Variants in ZEB2 observed in about 807,000 individuals in gnomAD.
ZEB2 encodes zinc finger E-box binding homeobox 2.
Under a neutral mutation model 99.9 loss-of-function variants are expected in ZEB2, and 6 were observed. The observed-to-expected ratio is 0.06, with a 90% CI of 0.03 to 0.12. The LOEUF (loss-of-function observed/expected upper bound fraction) is 0.12, where lower values mean the gene tolerates loss of function less well. Ranked by LOEUF, ZEB2 falls within the 10% of genes least tolerant of loss-of-function variation. The pLI, the probability that ZEB2 is intolerant of heterozygous loss-of-function variation, is 1.00. For synonymous variants in ZEB2, 517 were observed against 542.5 expected, an observed-to-expected ratio of 0.95 and a Z score of 0.65; for missense variants, 969 against 1,502.8, an observed-to-expected ratio of 0.64 and a Z score of 5.87.
intron 8 of ZEB2, among the ~76,000 whole-genome samples, chr2:144,396,988 G>A (rs568010224): frequency 2.4e-4 from 36 of 152,118 alleles, no homozygotes; most frequent in South Asian, 8.3e-4. Flanking sequence ...GTAGAAACCC[G>A]ATTTTAATTG....
At chr2:144,401,843 C>T (rs1213887176) in intron 6 of ZEB2, among the ~76,000 whole-genome samples, 1 of 152,064 alleles carries the variant, frequency 6.6e-6, no homozygotes, top group African/African-American at 2.4e-5. Context: ...CAAAAACACA[C>T]AAACAAAAAA....
At chr2:144,481,678 T>C (rs886895326) in intron 2 of ZEB2, among the ~76,000 whole-genome samples, 2 of 152,196 alleles carry the variant, frequency 1.3e-5, no homozygotes, top group Non-Finnish European at 2.9e-5. Flanking sequence ...ATCAAACTTT[T>C]TGAAAACTCA....
chr2:144,397,804 C>T (rs970120646), intron 8 of ZEB2: 1 of 262,718 alleles, frequency 3.8e-6, no homozygotes, highest in African/African-American at 2.3e-5. Flanking sequence ...CTACACCCAG[C>T]TAATTTTTGT....
At chr2:144,465,596 T>C (rs1157910528) in intron 2 of ZEB2, among the ~76,000 whole-genome samples, 1 of 152,130 alleles carries the variant, frequency 6.6e-6, no homozygotes, top group Non-Finnish European at 1.5e-5. Flanking sequence ...CACAGAGTTG[T>C]TGGATTTCAC....
intron 2 of ZEB2, among the ~76,000 whole-genome samples, chr2:144,469,989 T>C (rs778077913): frequency 5.3e-5 from 8 of 152,218 alleles, no homozygotes; most frequent in Non-Finnish European, 1.2e-4. Context: ...ACCCTCTGAG[T>C]TGCAAGCAAC....
intron 4 of ZEB2, among the ~76,000 whole-genome samples, chr2:144,418,619 C>T (rs1352359552): frequency 6.6e-6 from 1 of 151,738 alleles, no homozygotes; most frequent in African/African-American, 2.4e-5. Context: ...ACCCAGGAGG[C>T]GGAGGTTGCA....
At chr2:144,442,936 C>T (rs553907016) in intron 2 of ZEB2, among the ~76,000 whole-genome samples, 2 of 151,908 alleles carry the variant, frequency 1.3e-5, no homozygotes, top group Non-Finnish European at 2.9e-5. Context: ...ATGTGCTGTC[C>T]CATTTTTACT....
chr2:144,442,815 T>A (rs1029117957), intron 2 of ZEB2, among the ~76,000 whole-genome samples: 1 of 152,130 alleles, frequency 6.6e-6, no homozygotes, highest in African/African-American at 2.4e-5. Context: ...TCAGTTTAAG[T>A]TTTTTTAAAA....
At chr2:144,425,864 A>C (rs1055332996) in intron 3 of ZEB2, among the ~76,000 whole-genome samples, 2 of 152,186 alleles carry the variant, frequency 1.3e-5, no homozygotes, top group Non-Finnish European at 2.9e-5. Flanking sequence ...TAATCATTTT[A>C]CTTAAAACAA....
rs1703109491 is a variant in ZEB2 at position 144,388,252 on chromosome 2, G to A, written c.*1199C>T. 6.6e-6 allele frequency: 1 copy of A among 152,338 alleles called. No homozygotes were observed. The highest frequency in any genetic ancestry group is 1.5e-5 in the Non-Finnish European group (1 of 67,958). The allele number at this position is 152,338 out of a possible 1,614,324, so 9.4% of individuals were successfully genotyped here. A position where few individuals can be genotyped will look rare whatever the true frequency, so the allele number is the denominator to read the frequency against. ...AAAGTTCCCAAATTTGGAATTTCCA[G>A]TAATTGGAAAAAAACAAAAATAAAA... On this transcript the variant is annotated 3_prime_UTR_variant, in exon 10 of 10. Transcript: ENST00000627532. The surrounding 1 kb of genome is among the most constrained non-coding windows in gnomAD (Gnocchi z 5.4).
intron 2 of ZEB2, chr2:144,512,244 A>G: frequency 7.8e-7 from 1 of 1,287,268 alleles, no homozygotes; most frequent in Non-Finnish European, 1.0e-6. Context: ...CGGTGCTGAG[A>G]GGAAAAGGAC....
intron 1 of ZEB2, chr2:144,519,248 C>CCG (rs1048241787): frequency 6.6e-6 from 1 of 152,182 alleles, no homozygotes; most frequent in African/African-American, 2.4e-5. Flanking sequence ...AGTGCCCCCC[C>CCG]CTCCACTTTG....
intron 2 of ZEB2, among the ~76,000 whole-genome samples, chr2:144,497,270 T>C (rs1704775610): frequency 6.6e-6 from 1 of 152,178 alleles, no homozygotes; most frequent in South Asian, 2.1e-4. Context: ...TTTGTGGCAC[T>C]TGCCACATTT....
Position 144,386,333 on chromosome 2 carries a change from G to C in ZEB2, c.*3118C>G, listed in dbSNP as rs1449364108. 3 of 152,102 alleles carry C rather than the reference G, an allele frequency of 2.0e-5. No individual in the cohort carries two copies. The highest frequency in any genetic ancestry group is 7.2e-5 in the African/African-American group (3 of 41,418). The allele number at this position is 152,102 out of a possible 1,614,324, so 9.4% of individuals were successfully genotyped here. On this transcript the variant is annotated 3_prime_UTR_variant, in exon 10 of 10. Coordinates refer to ENST00000627532, the MANE Select transcript of ZEB2 (RefSeq NM_014795.4). ...AATCAAAAGTTTTTATTTTTCCCTA[G>C]AGTTAGAGGATTATGCAGCCCTAAT...
intron 6 of ZEB2, 62 bp from the exon 7 acceptor site, chr2:144,401,369 A>G: frequency 6.4e-7 from 1 of 1,552,332 alleles, no homozygotes; most frequent in South Asian, 1.1e-5. Flanking sequence ...ATTTGTTACA[A>G]ATATTTTTAA....
intron 2 of ZEB2, among the ~76,000 whole-genome samples, chr2:144,453,518 CA>C (rs1300441720): frequency 7.9e-5 from 12 of 152,176 alleles, no homozygotes; most frequent in Admixed American, 7.9e-4. Flanking sequence ...CATTTTTATG[CA>C]GACTCATTAG....
chr2:144,511,574 G>T, intron 2 of ZEB2: 1 of 1,279,890 alleles, frequency 7.8e-7, no homozygotes, highest in Non-Finnish European at 1.0e-6. Context: ...GAAATACTTG[G>T]ATCTTACTTT....
At chr2:144,423,206 A>G (rs563749486) in intron 4 of ZEB2, among the ~76,000 whole-genome samples, 138 of 152,318 alleles carry the variant, frequency 9.1e-4, no homozygotes, top group Non-Finnish European at 4.4e-4. Flanking sequence ...AACAGCTAGT[A>G]AATTGTTACT....
chr2:144,456,809 A>T (rs942398625), intron 2 of ZEB2, among the ~76,000 whole-genome samples: 41 of 152,204 alleles, frequency 2.7e-4, no homozygotes, highest in African/African-American at 9.9e-4. Context: ...ATCAGATGAC[A>T]CTGAGACTTA....
Sources: gnomAD v4.1 joint callset for allele counts (sites outside exome capture counted in the v4.1 genomes callset) on GRCh38, gnomAD v4.1.1 for gene constraint, Gnocchi (gnomAD v3.1) non-coding constraint, MANE v1.5 for transcripts, NCBI Gene and HGNC (gene_info 2026-07-23, HGNC 2026-07-21) for gene names.